The following HCRTR1 variants were observed in gnomAD, a reference collection of about 807,000 sequenced individuals.
HCRTR1 encodes orexin/Hypocretin receptor type 1.
HCRTR1 carries 28 observed loss-of-function variants against 40.6 expected under a neutral mutation model. That is an observed-to-expected ratio of 0.69 (90% CI 0.51 to 0.95). The LOEUF (loss-of-function observed/expected upper bound fraction) is 0.95, where lower values mean the gene tolerates loss of function less well. Ranked by LOEUF, HCRTR1 falls within the 40% of genes least tolerant of loss-of-function variation. HCRTR1 has a pLI of 0.00. For missense variants in HCRTR1, 482 were observed against 564.7 expected (o/e 0.85, Z 1.48); for synonymous variants, 209 against 230.0 (o/e 0.91, Z 0.83).
Position 31,625,986 on chromosome 1 carries a change from T to C in HCRTR1, c.1088-804T>C, listed in dbSNP as rs112004604. The stretch of plus-strand genomic sequence containing the variant: ...CCAGGTCAGAAAAGAGAATAGATGA[T>C]GAGCTGTGTGGGGAGGGGAGGGCAG... On this transcript the variant is annotated intron_variant, in intron 8 of 8. Coordinates refer to ENST00000403528, the MANE Select transcript of HCRTR1 (RefSeq NM_001525.3). The surrounding 1 kb of genome is among the most constrained non-coding windows in gnomAD (Gnocchi z 4.2). Among the ~76,000 whole-genome samples the C allele has an allele frequency of 2.1e-3, 321 of 152,286 alleles. No individual in the cohort carries two copies. Among genetic ancestry groups the C allele is most frequent in the African/African-American group, 7.4e-3 (308 of 41,550 alleles).
rs948119033 is a variant in HCRTR1, at chr1:31,621,458, C to T, written c.623-19C>T. 5 of 1,557,746 alleles carry T rather than the reference C, an allele frequency of 3.2e-6. No homozygotes were observed. The highest frequency in any genetic ancestry group is 4.5e-5 in the East Asian group (2 of 44,584). Reference sequence around the variant, plus strand: ...GGCTCACGGATTGGGCCTGACTCTGCATCTCTTGACCCCTGCAGATGACCT... The same window carrying T: ...GGCTCACGGATTGGGCCTGACTCTGTATCTCTTGACCCCTGCAGATGACCT... On this transcript the variant is annotated intron_variant, in intron 5 of 8. Coordinates refer to ENST00000403528, the MANE Select transcript of HCRTR1 (RefSeq NM_001525.3).
Position 31,623,600 on chromosome 1 carries a change from G to A in HCRTR1, c.816G>A (p.Leu272=). ...SDQLGDLEQG[L]SGEPQPRARA... ...AGCTGGGGGACCTGGAGCAGGGCCT[G>A]AGTGGAGAGCCCCAGCCCCGGGCCC... The change falls in exon 7 of 9, where the codon CTG becomes CTA. Residue 272 remains leucine (L), a synonymous_variant. Transcript: ENST00000403528. The A allele has an allele frequency of 6.2e-7, 1 of 1,613,646 alleles. No homozygotes were observed. Among genetic ancestry groups the A allele is most frequent in the East Asian group, 2.2e-5 (1 of 44,878 alleles).
At position 31,620,843 on chromosome 1, in the gene HCRTR1, G is replaced by C. The variant is rs201495028; in HGVS notation, c.379G>C (p.Ala127Pro). Reference sequence around the variant, plus strand: ...CCGACGTTGTGTCCCCGTGGGGCAGGCTGTGTCCGTGTCAGTGGCAGTGCT... The same window carrying C: ...CCGACGTTGTGTCCCCGTGGGGCAGCCTGTGTCCGTGTCAGTGGCAGTGCT... The part of the protein sequence containing the change: ...ALCKVIPYLQ[A>P]VSVSVAVLTL... The change falls in exon 5 of 9, where the codon GCT (alanine) becomes CCT (proline). Residue 127 changes from alanine (A) to proline (P), a missense_variant and splice_region_variant. Physicochemically the swap from Ala to Pro is conservative, Grantham distance 27. Transcript: ENST00000403528. The C allele has an allele frequency of 6.2e-7, 1 of 1,613,084 alleles. No homozygotes were observed. Among genetic ancestry groups the C allele is most frequent in the South Asian group, 1.1e-5 (1 of 91,052 alleles).
At chr1:31,618,997 A>C in intron 2 of HCRTR1, 54 bp from the exon 3 acceptor site, 2 of 587,856 alleles carry the variant, frequency 3.4e-6, no homozygotes, top group Non-Finnish European at 3.0e-6. Flanking sequence ...CACAATCCCT[A>C]ATGTTTCCTT....
At chr1:31,630,734 T>C (rs1557583019), downstream of HCRTR1, 2 of 1,614,164 alleles carry the variant, frequency 1.2e-6, no homozygotes, top group Non-Finnish European at 1.7e-6. Context: ...GGTGCACACC[T>C]GGATGAAGCG....
chr1:31,624,530 TGCAC>T (rs1217249217), intron 7 of HCRTR1, among the ~76,000 whole-genome samples: 11 of 148,940 alleles, frequency 7.4e-5, no homozygotes, highest in African/African-American at 2.3e-4. Context: ...GAGCTAACCA[TGCAC>T]GTGTCTGTAG....
rs1350247872 is a variant in HCRTR1, at chr1:31,625,589, C to T, written c.1087+471C>T. 6.6e-6 allele frequency among the ~76,000 whole-genome samples: 1 copy of T among 152,194 alleles called. No homozygotes were observed. The highest frequency in any genetic ancestry group is 1.5e-5 in the Non-Finnish European group (1 of 68,026). Reference sequence around the variant, plus strand: ...ACAAGCCAGGCCCAGGGAAGGGCTTCGCCGGCTCAGCTAGACACACTGGCA... The same window carrying T: ...ACAAGCCAGGCCCAGGGAAGGGCTTTGCCGGCTCAGCTAGACACACTGGCA... On this transcript the variant is annotated intron_variant, in intron 8 of 8. Transcript: ENST00000403528. The surrounding 1 kb of genome is among the most constrained non-coding windows in gnomAD (Gnocchi z 4.2).
At chr1:31,620,747 G>C in intron 4 of HCRTR1, 96 bp from the exon 5 acceptor site, 1 of 1,488,724 alleles carries the variant, frequency 6.7e-7, no homozygotes, top group South Asian at 1.3e-5. Context: ...GTCAGGATTT[G>C]CACTGCCCTG....
Position 31,625,723 on chromosome 1 carries a change from C to T in HCRTR1, c.1087+605C>T, listed in dbSNP as rs977553462. ...TGCTGTCCCACAGTGCCCACCCCCT[C>T]CCTCTACCTCCCAGTCTCAGGGTGG... On this transcript the variant is annotated intron_variant, in intron 8 of 8. Coordinates refer to ENST00000403528, the MANE Select transcript of HCRTR1 (RefSeq NM_001525.3). The surrounding 1 kb of genome is among the most constrained non-coding windows in gnomAD (Gnocchi z 4.2). Among the ~76,000 whole-genome samples the T allele has an allele frequency of 3.3e-5, 5 of 152,278 alleles. No homozygotes were observed. Among genetic ancestry groups the T allele is most frequent in the Non-Finnish European group, 5.9e-5 (4 of 68,024 alleles).
In HCRTR1 at chr1:31,620,946, C is replaced by A. The variant is rs1239300181; in HGVS notation, c.482C>A (p.Ala161Asp). 1 of 1,613,960 alleles carries A rather than the reference C, an allele frequency of 6.2e-7. No individual in the cohort carries two copies. Among genetic ancestry groups the A allele is most frequent in the Non-Finnish European group, 8.5e-7 (1 of 1,180,030 alleles). The change falls in exon 5 of 9, where the codon GCC becomes GAC. Residue 161 changes from alanine (A) to aspartate (D), a missense_variant. Physicochemically the swap from Ala to Asp is moderately radical, Grantham distance 126. Coordinates refer to ENST00000403528, the MANE Select transcript of HCRTR1 (RefSeq NM_001525.3). ...TTGTTCAAGAGCACAGCCCGGCGGG[C>A]CCGTGGCTCCATCCTGGGCATCTGG... ...PLLFKSTARR[A>D]RGSILGIWAV...
intron 2 of HCRTR1, 68 bp downstream of exon 2, chr1:31,618,884 C>T: frequency 2.5e-6 from 1 of 400,316 alleles, no homozygotes; most frequent in Non-Finnish European, 4.6e-6. Context: ...GGTAAGCTAC[C>T]CAAGGCAACT....
chr1:31,628,135 A>T (rs2148613179), downstream of HCRTR1, among the ~76,000 whole-genome samples: 1 of 152,354 alleles, frequency 6.6e-6, no homozygotes, highest in South Asian at 2.1e-4. Context: ...GACATCTGGC[A>T]GGGGCCAGCT....
At position 31,617,736 on chromosome 1, in the gene HCRTR1, G is replaced by A. The variant is rs1194196101; in HGVS notation, c.-349G>A. The A allele has an allele frequency of 2.0e-5, 3 of 152,080 alleles. No individual in the cohort carries two copies. The highest frequency in any genetic ancestry group is 2.0e-4 in the Admixed American group (3 of 15,278). 9.4% of individuals were successfully genotyped at this position (152,080 alleles called of 1,614,324 possible). A position where few individuals can be genotyped will look rare whatever the true frequency, so the allele number is the denominator to read the frequency against. ...ATCGTGCTGAGCCCCGCGAGCCGAG[G>A]CAGCGCAGCCTAGGGAGGGGGCTGC... On this transcript the variant is annotated 5_prime_UTR_variant, in exon 1 of 9. Coordinates refer to ENST00000403528, the MANE Select transcript of HCRTR1 (RefSeq NM_001525.3).
chr1:31,623,980 C>T (rs1639920023), intron 7 of HCRTR1, among the ~76,000 whole-genome samples: 1 of 152,166 alleles, frequency 6.6e-6, no homozygotes, highest in Non-Finnish European at 1.5e-5. Flanking sequence ...GTGCATAAGA[C>T]AGACAAAGTC....
At chr1:31,618,212 C>T (rs1041795096) in intron 1 of HCRTR1, 1 of 152,334 alleles carries the variant, frequency 6.6e-6, no homozygotes, top group African/African-American at 2.4e-5. Flanking sequence ...CTAGCCCAGC[C>T]GGGGGAAGGA....
chr1:31,630,584 G>C (rs1321046727), downstream of HCRTR1: 2 of 1,600,054 alleles, frequency 1.2e-6, no homozygotes, highest in Non-Finnish European at 1.7e-6. Flanking sequence ...AAGGTCCCTG[G>C]TGCACTCCAC....
chr1:31,618,870 G>T, intron 2 of HCRTR1, 54 bp downstream of exon 2: 1 of 369,864 alleles, frequency 2.7e-6, no homozygotes, highest in Non-Finnish European at 5.0e-6. Flanking sequence ...GCTGAAAGAG[G>T]CCAGGTAAGC....
In HCRTR1 at chr1:31,623,539, C is replaced by T. The variant is rs1245415639; in HGVS notation, c.755C>T (p.Ser252Leu). The change falls in exon 7 of 9, where the codon TCA becomes TTA. Residue 252 changes from serine to leucine, a missense_variant. Coordinates refer to ENST00000403528, the MANE Select transcript of HCRTR1 (RefSeq NM_001525.3). Reference sequence around the variant, plus strand: ...GCTGGACAGATCCCCGGCACCACCTCAGCACTGGTGCGGAACTGGAAGCGC... The same window carrying T: ...GCTGGACAGATCCCCGGCACCACCTTAGCACTGGTGCGGAACTGGAAGCGC... ...LWGRQIPGTT[S>L]ALVRNWKRPS... 1 of 1,613,030 alleles carries T rather than the reference C, an allele frequency of 6.2e-7. No individual in the cohort carries two copies. Among genetic ancestry groups the T allele is most frequent in the Admixed American group, 1.7e-5 (1 of 59,950 alleles).
downstream of HCRTR1, chr1:31,630,327 C>G (rs1423257928): frequency 8.9e-6 from 4 of 447,964 alleles, no homozygotes; most frequent in Non-Finnish European, 1.7e-5. Context: ...TTACAAGGAC[C>G]TGCTCCTGGT....
Sources: allele counts gnomAD v4.1 joint callset (sites outside exome capture counted in the v4.1 genomes callset), GRCh38; gene constraint gnomAD v4.1.1; non-coding constraint Gnocchi (gnomAD v3.1); transcripts MANE v1.5; gene names NCBI Gene and HGNC (gene_info 2026-07-23, HGNC 2026-07-21).